The following RALYL variants were observed in gnomAD, a reference collection of about 807,000 sequenced individuals.
RALYL encodes RALY RNA binding protein like.
In RALYL, 29 loss-of-function variants were observed where a neutral mutation model predicts 35.1. That is an observed-to-expected ratio of 0.83 (90% CI 0.61 to 1.13). RALYL has a LOEUF of 1.13. Among genes scored for constraint, RALYL ranks in the 50% most tolerant of loss-of-function variants. RALYL has a pLI of 0.00. For missense variants in RALYL, 359 were observed against 360.4 expected (o/e 1.00, Z 0.03); for synonymous variants, 120 against 127.6 (o/e 0.94, Z 0.40).
At chr8:84,902,787 T>A (rs1301177648) in intron 8 of RALYL, among the ~76,000 whole-genome samples, 1 of 152,182 alleles carries the variant, frequency 6.6e-6, no homozygotes, top group Non-Finnish European at 1.5e-5. Context: ...AGGAAGTTTT[T>A]TTGGGTTATT....
At chr8:84,556,589 T>A (rs2061137823) in intron 2 of RALYL, among the ~76,000 whole-genome samples, 1 of 152,228 alleles carries the variant, frequency 6.6e-6, no homozygotes, top group Non-Finnish European at 1.5e-5. Flanking sequence ...AACATTGGTC[T>A]CCATTTTTGA....
chr8:84,800,732 G>T (rs16913328), intron 3 of RALYL, among the ~76,000 whole-genome samples: 1 of 152,036 alleles, frequency 6.6e-6, no homozygotes, highest in African/African-American at 2.4e-5. Context: ...GTAATGATCC[G>T]TTTCTACAGA....
At chr8:84,633,581 CGT>C in intron 2 of RALYL, among the ~76,000 whole-genome samples, 1 of 151,752 alleles carries the variant, frequency 6.6e-6, no homozygotes, top group African/African-American at 2.4e-5. Context: ...ACAAATCAGA[CGT>C]GTTTAAAGCA....
At chr8:84,679,722 T>A (rs888009685) in intron 2 of RALYL, 1 of 521,786 alleles carries the variant, frequency 1.9e-6, no homozygotes, top group Non-Finnish European at 3.9e-6. Flanking sequence ...CAAGGCAATA[T>A]TAAGTGCTGA....
chr8:84,353,283 A>G (rs1000424969), intron 1 of RALYL, among the ~76,000 whole-genome samples: 3 of 149,536 alleles, frequency 2.0e-5, no homozygotes, highest in African/African-American at 7.5e-5. Flanking sequence ...CGTTTAGCCC[A>G]CTCCAGTGAG....
intron 2 of RALYL, among the ~76,000 whole-genome samples, chr8:84,599,773 G>A (rs926057317): frequency 6.6e-6 from 1 of 151,978 alleles, no homozygotes; most frequent in African/African-American, 2.4e-5. Flanking sequence ...ATGTGTATGT[G>A]TTTCTTAAAC....
intron 7 of RALYL, among the ~76,000 whole-genome samples, chr8:84,885,469 A>C (rs1372626750): frequency 6.6e-6 from 1 of 152,150 alleles, no homozygotes; most frequent in Non-Finnish European, 1.5e-5. Context: ...GAATTTATGT[A>C]CTATACTTCC....
intron 3 of RALYL, among the ~76,000 whole-genome samples, chr8:84,780,706 A>G (rs1306619767): frequency 6.6e-6 from 1 of 152,196 alleles, no homozygotes; most frequent in African/African-American, 2.4e-5. Flanking sequence ...TGGGCTGCAT[A>G]AAGGAAGATA....
chr8:84,471,423 A>C (rs1244249476), intron 1 of RALYL, among the ~76,000 whole-genome samples: 8 of 151,376 alleles, frequency 5.3e-5, no homozygotes, highest in Non-Finnish European at 1.2e-4. Context: ...TCTGTACACA[A>C]ATTAAAAAAA....
At chr8:84,503,978 A>G (rs2056945161) in intron 1 of RALYL, among the ~76,000 whole-genome samples, 1 of 152,126 alleles carries the variant, frequency 6.6e-6, no homozygotes, top group South Asian at 2.1e-4. Flanking sequence ...TCAGACAGAC[A>G]TGAAATCCAG....
At chr8:84,282,758 G>A (rs1836843451) in intron 1 of RALYL, among the ~76,000 whole-genome samples, 1 of 58,068 alleles carries the variant, frequency 1.7e-5, no homozygotes. Context: ...GTGTGTGTGT[G>A]TGTGTGTGTG....
intron 2 of RALYL, among the ~76,000 whole-genome samples, chr8:84,617,626 TA>T (rs1337900152): frequency 6.7e-6 from 1 of 148,954 alleles, no homozygotes; most frequent in Non-Finnish European, 1.5e-5. Context: ...CTTCCAACAC[TA>T]TGTTGAATAG....
intron 1 of RALYL, among the ~76,000 whole-genome samples, chr8:84,523,670 C>A (rs2058657830): frequency 8.6e-6 from 1 of 116,294 alleles, no homozygotes; most frequent in Non-Finnish European, 1.7e-5. Flanking sequence ...CCCCCCTCCC[C>A]CCACCCCACC....
intron 4 of RALYL, among the ~76,000 whole-genome samples, chr8:84,810,239 G>A (rs1418866526): frequency 6.6e-6 from 1 of 152,028 alleles, no homozygotes; most frequent in Non-Finnish European, 1.5e-5. Context: ...TTTTGTTTTT[G>A]ACTCAATGCC....
chr8:84,254,204 T>C (rs953504096), intron 1 of RALYL, among the ~76,000 whole-genome samples: 1 of 152,146 alleles, frequency 6.6e-6, no homozygotes, highest in African/African-American at 2.4e-5. Flanking sequence ...ATATCAACAC[T>C]AGCTAAGTTA....
chr8:84,295,526 C>T (rs1455907710), intron 1 of RALYL, among the ~76,000 whole-genome samples: 1 of 152,070 alleles, frequency 6.6e-6, no homozygotes, highest in Non-Finnish European at 1.5e-5. Flanking sequence ...TCCCAAACTC[C>T]TGTGCTCTAG....
intron 1 of RALYL, among the ~76,000 whole-genome samples, chr8:84,215,280 T>A (rs888066536): frequency 9.9e-5 from 15 of 152,166 alleles, no homozygotes; most frequent in Admixed American, 9.8e-4. Context: ...CCATAATGAT[T>A]TTTGACATAT....
At chr8:84,203,875 C>A in intron 1 of RALYL, among the ~76,000 whole-genome samples, 1 of 152,076 alleles carries the variant, frequency 6.6e-6, no homozygotes, top group Non-Finnish European at 1.5e-5. Context: ...AAAAAAACAT[C>A]ATCCCATTCT....
intron 2 of RALYL, among the ~76,000 whole-genome samples, chr8:84,699,049 G>GATAC (rs1554784782): frequency 1.3e-5 from 2 of 151,788 alleles, no homozygotes; most frequent in Non-Finnish European, 2.9e-5. Flanking sequence ...TAGATAGATA[G>GATAC]ATAGATAGGA....
Sources: gnomAD v4.1 joint callset for allele counts (sites outside exome capture counted in the v4.1 genomes callset) on GRCh38, gnomAD v4.1.1 for gene constraint, MANE v1.5 for transcripts, NCBI Gene and HGNC (gene_info 2026-07-23, HGNC 2026-07-21) for gene names.